Variants in TAFA5 observed in about 807,000 individuals in gnomAD.
TAFA5 encodes chemokine-like protein TAFA-5.
In TAFA5, 6 loss-of-function variants were observed where a neutral mutation model predicts 15.3. The ratio of observed to expected loss-of-function variants is 0.39; its 90% CI spans 0.21 to 0.77. The LOEUF is 0.77. TAFA5 is among the 30% of genes least tolerant of loss of function. The probability of loss-of-function intolerance (pLI) is 0.41; values close to 1 mark genes in which losing one functional copy is unlikely to be tolerated. For synonymous variants in TAFA5, 103 were observed against 80.7 expected, an observed-to-expected ratio of 1.28 and a Z score of -1.48; for missense variants, 161 against 193.1, an observed-to-expected ratio of 0.83 and a Z score of 0.98.
At chr22:48,647,906 G>A (rs922836921) in intron 2 of TAFA5, among the ~76,000 whole-genome samples, 1 of 152,186 alleles carries the variant, frequency 6.6e-6, no homozygotes, top group African/African-American at 2.4e-5. Context: ...TTCTTGGGGT[G>A]GAGAGAAACC....
At chr22:48,687,201 G>C (rs1261600341) in intron 2 of TAFA5, among the ~76,000 whole-genome samples, 2 of 151,736 alleles carry the variant, frequency 1.3e-5, no homozygotes, top group Non-Finnish European at 2.9e-5. Context: ...TGGGAGGATG[G>C]GTGGGTGGTG....
intron 1 of TAFA5, among the ~76,000 whole-genome samples, chr22:48,605,877 A>G (rs1452575044): frequency 6.6e-6 from 1 of 152,188 alleles, no homozygotes; most frequent in Non-Finnish European, 1.5e-5. Flanking sequence ...GTAAGCGTCC[A>G]TGAGGGCAGG....
At chr22:48,670,903 A>C (rs1012778660) in intron 2 of TAFA5, among the ~76,000 whole-genome samples, 6 of 152,182 alleles carry the variant, frequency 3.9e-5, no homozygotes, top group Non-Finnish European at 8.8e-5. Context: ...AAAGCCTGGG[A>C]CAGTTGGTGC....
At chr22:48,646,099 G>A (rs1926852091) in intron 1 of TAFA5, among the ~76,000 whole-genome samples, 2 of 152,168 alleles carry the variant, frequency 1.3e-5, no homozygotes, top group Non-Finnish European at 2.9e-5. Flanking sequence ...AGCGTGGCTG[G>A]TTCCACACAA....
intron 3 of TAFA5, among the ~76,000 whole-genome samples, chr22:48,735,025 A>G (rs2147269326): frequency 6.6e-6 from 1 of 152,388 alleles, no homozygotes; most frequent in South Asian, 2.1e-4. Context: ...GGAGAAATCC[A>G]TGATGACAGC....
rs548369371 is a variant in TAFA5, at chr22:48,684,397, T to C, written c.263-23320T>C. Reference sequence around the variant, plus strand: ...GATTGGCCTTCCCAGGGAAGGGCGATGGAGTGACTCAGAACTCCCAGCAGC... The same window carrying C: ...GATTGGCCTTCCCAGGGAAGGGCGACGGAGTGACTCAGAACTCCCAGCAGC... On this transcript the variant is annotated intron_variant, in intron 2 of 3. Coordinates refer to ENST00000402357, the MANE Select transcript of TAFA5 (RefSeq NM_001082967.3). Among the ~76,000 whole-genome samples the C allele has an allele frequency of 5.3e-5, 8 of 152,222 alleles. No individual in the cohort carries two copies. In the South Asian group the frequency reaches 1.7e-3, roughly 32 times the overall value.
intron 2 of TAFA5, among the ~76,000 whole-genome samples, chr22:48,700,664 C>T (rs1928877314): frequency 6.6e-6 from 1 of 152,152 alleles, no homozygotes; most frequent in Non-Finnish European, 1.5e-5. Flanking sequence ...CCTGTGGGCA[C>T]CTGTGTGCAC....
intron 2 of TAFA5, among the ~76,000 whole-genome samples, chr22:48,682,546 G>C (rs1282099041): frequency 1.3e-5 from 2 of 152,222 alleles, no homozygotes; most frequent in East Asian, 3.8e-4. Flanking sequence ...TTGGTCAACT[G>C]TCCCACAAGT....
chr22:48,557,463 G>A (rs1035488788), intron 1 of TAFA5, among the ~76,000 whole-genome samples: 2 of 152,204 alleles, frequency 1.3e-5, no homozygotes, highest in African/African-American at 4.8e-5. Context: ...AGCGATGCTG[G>A]GGACAGGGCT....
At chr22:48,591,161 C>T (rs957215843) in intron 1 of TAFA5, among the ~76,000 whole-genome samples, 3 of 152,264 alleles carry the variant, frequency 2.0e-5, no homozygotes, top group African/African-American at 4.8e-5. Flanking sequence ...TTGAAACACA[C>T]ATTTCTCTTT....
At chr22:48,693,274 C>G in intron 2 of TAFA5, 1 of 1,579,378 alleles carries the variant, frequency 6.3e-7, no homozygotes, top group African/African-American at 1.3e-5. Context: ...ACCTTTTCAT[C>G]CCATAATTCT....
At chr22:48,604,812 G>C (rs1569043853) in intron 1 of TAFA5, among the ~76,000 whole-genome samples, 1 of 152,124 alleles carries the variant, frequency 6.6e-6, no homozygotes. Context: ...AAGGGTATGA[G>C]AGGTATGCTT....
intron 1 of TAFA5, among the ~76,000 whole-genome samples, chr22:48,551,616 G>C (rs550492202): frequency 2.1e-4 from 32 of 152,258 alleles, no homozygotes; most frequent in African/African-American, 7.2e-4. Flanking sequence ...TGTCGCAAGT[G>C]TTTTCTTGAG....
At chr22:48,713,105 G>T (rs1011497331) in intron 3 of TAFA5, among the ~76,000 whole-genome samples, 1 of 152,252 alleles carries the variant, frequency 6.6e-6, no homozygotes, top group South Asian at 2.1e-4. Flanking sequence ...AATCCTGTTT[G>T]CACATTCGCT....
chr22:48,562,822 G>A (rs898356912), intron 1 of TAFA5, among the ~76,000 whole-genome samples: 3 of 152,206 alleles, frequency 2.0e-5, no homozygotes, highest in African/African-American at 7.2e-5. Context: ...CACAGTGAGA[G>A]AGGACTCACT....
intron 2 of TAFA5, among the ~76,000 whole-genome samples, chr22:48,703,237 C>T (rs1928972002): frequency 6.6e-6 from 1 of 151,842 alleles, no homozygotes; most frequent in South Asian, 2.1e-4. Context: ...GTGTTGTGTA[C>T]ATGTGTGTGT....
At chr22:48,615,437 G>A (rs2147177140) in intron 1 of TAFA5, among the ~76,000 whole-genome samples, 1 of 152,296 alleles carries the variant, frequency 6.6e-6, no homozygotes, top group Admixed American at 6.5e-5. Context: ...AGGACGCTCT[G>A]TCCGTGTTCC....
intron 1 of TAFA5, among the ~76,000 whole-genome samples, chr22:48,634,445 T>G (rs1222681332): frequency 1.3e-5 from 2 of 152,170 alleles, no homozygotes; most frequent in East Asian, 3.8e-4. Context: ...ATTCATTAAC[T>G]CATTTAGTCA....
intron 2 of TAFA5, among the ~76,000 whole-genome samples, chr22:48,687,452 G>C (rs1344630831): frequency 6.6e-6 from 1 of 151,456 alleles, no homozygotes; most frequent in Non-Finnish European, 1.5e-5. Context: ...CAGGGGTGGG[G>C]GGGCATCTGT....
Sources: allele counts gnomAD v4.1 joint callset (sites outside exome capture counted in the v4.1 genomes callset), GRCh38; gene constraint gnomAD v4.1.1; transcripts MANE v1.5; gene names NCBI Gene and HGNC (gene_info 2026-07-23, HGNC 2026-07-21).